Variants in ARHGEF12 observed in about 807,000 individuals in gnomAD.
ARHGEF12 encodes Rho guanine nucleotide exchange factor 12.
ARHGEF12 carries 66 observed loss-of-function variants against 211.2 expected under a neutral mutation model. That is an observed-to-expected ratio of 0.31 (90% CI 0.26 to 0.38). ARHGEF12 has a LOEUF of 0.38. Among genes scored for constraint, ARHGEF12 ranks in the 10% least tolerant of loss-of-function variants. The pLI is 1.00. For missense variants in ARHGEF12, 1,429 were observed against 1,869.5 expected (o/e 0.76, Z 4.34); for synonymous variants, 592 against 638.4 (o/e 0.93, Z 1.09).
rs562823865 is a variant in ARHGEF12, at chr11:120,381,381, C to T, written c.33-24737C>T. 5.3e-5 allele frequency among the ~76,000 whole-genome samples: 8 copies of T among 152,288 alleles called. No homozygotes were observed. In the South Asian group the frequency reaches 1.5e-3, roughly 28 times the overall value. On this transcript the variant is annotated intron_variant, in intron 1 of 40. Coordinates refer to ENST00000397843, the MANE Select transcript of ARHGEF12 (RefSeq NM_015313.3). ...AACCTGGCTCCAGCCACCCCATTAT[C>T]CATCCACTTATTTTTTCAACCTATG...
At chr11:120,371,771 G>C (rs1943595689) in intron 1 of ARHGEF12, among the ~76,000 whole-genome samples, 1 of 152,066 alleles carries the variant, frequency 6.6e-6, no homozygotes. Flanking sequence ...AATATGATTT[G>C]GTTCTATTGT....
At chr11:120,422,057 T>C (rs1418660276) in intron 6 of ARHGEF12, among the ~76,000 whole-genome samples, 1 of 152,156 alleles carries the variant, frequency 6.6e-6, no homozygotes, top group Non-Finnish European at 1.5e-5. Context: ...TTGAAAATAA[T>C]GGAGGAATAT....
At chr11:120,426,976 A>G (rs1046340818) in intron 7 of ARHGEF12, among the ~76,000 whole-genome samples, 1 of 152,074 alleles carries the variant, frequency 6.6e-6, no homozygotes, top group African/African-American at 2.4e-5. Context: ...TCCCAGGTTC[A>G]AGTGATTCTC....
intron 18 of ARHGEF12, 128 bp from the exon 19 acceptor site, chr11:120,447,746 G>A (rs778191923): frequency 1.7e-6 from 1 of 595,410 alleles, no homozygotes; most frequent in Non-Finnish European, 2.9e-6. Context: ...CGCCCAGGAG[G>A]CGGAGGTTGC....
At chr11:120,420,638 T>C in intron 4 of ARHGEF12, 115 bp from the exon 5 acceptor site, 1 of 772,624 alleles carries the variant, frequency 1.3e-6, no homozygotes. Flanking sequence ...TGGATTTACA[T>C]GTGCTACTTT....
intron 7 of ARHGEF12, among the ~76,000 whole-genome samples, chr11:120,427,207 C>A (rs900933307): frequency 6.6e-6 from 1 of 151,932 alleles, no homozygotes; most frequent in Non-Finnish European, 1.5e-5. Flanking sequence ...TCTAGATTCC[C>A]GCCCCCCGCA....
rs531854184 is a variant in ARHGEF12, at chr11:120,471,284, G to A, written c.2956-1766G>A. The stretch of plus-strand genomic sequence containing the variant: ...ATAGAATGCCCTGAGTGATAGGAAA[G>A]GAATGTACCACTAAGGCACACAACA... On this transcript the variant is annotated intron_variant, in intron 30 of 40. Coordinates refer to ENST00000397843, the MANE Select transcript of ARHGEF12 (RefSeq NM_015313.3). Among the ~76,000 whole-genome samples, 6 of 152,224 alleles carry A rather than the reference G, an allele frequency of 3.9e-5. No homozygotes were observed. The East Asian group carries it at 7.7e-4, about 20-fold the overall frequency.
At chr11:120,339,758 A>G (rs1215237666) in intron 1 of ARHGEF12, among the ~76,000 whole-genome samples, 1 of 152,110 alleles carries the variant, frequency 6.6e-6, no homozygotes, top group Non-Finnish European at 1.5e-5. Flanking sequence ...TAAGGGTTTT[A>G]TTCTTGTGTT....
rs769440299 is a variant in ARHGEF12 at position 120,424,334 on chromosome 11, TACACTACTTTC to T, written c.349-23_349-13del. Reference sequence around the variant, plus strand: ...TTGTCTCAATAGAATGTATCTGACATACACTACTTTCGTTTTCTTACAGGTGAATGGAACTC... The same window carrying T: ...TTGTCTCAATAGAATGTATCTGACATGTTTTCTTACAGGTGAATGGAACTC... On this transcript the variant is annotated splice_polypyrimidine_tract_variant and intron_variant, in intron 6 of 40. Coordinates refer to ENST00000397843, the MANE Select transcript of ARHGEF12 (RefSeq NM_015313.3). 1.3e-6 allele frequency: 2 copies of T among 1,593,562 alleles called. No individual in the cohort carries two copies. The highest frequency in any genetic ancestry group is 1.7e-6 in the Non-Finnish European group (2 of 1,162,268).
At chr11:120,476,498 T>C (rs1247265123) in intron 33 of ARHGEF12, 163 bp from the exon 34 acceptor site, 2 of 452,432 alleles carry the variant, frequency 4.4e-6, no homozygotes, top group African/African-American at 3.9e-5. Context: ...TACGTTAATA[T>C]GGTAAGTTGC....
At chr11:120,456,036 A>G (rs986678724) in intron 22 of ARHGEF12, among the ~76,000 whole-genome samples, 3 of 152,166 alleles carry the variant, frequency 2.0e-5, no homozygotes, top group African/African-American at 7.2e-5. Flanking sequence ...ATATAATCCT[A>G]ACTAGTATAT....
In ARHGEF12 at chr11:120,485,564, A is replaced by T. The variant is rs1399664211; in HGVS notation, c.*487A>T. 4.2e-6 allele frequency: 1 copy of T among 237,124 alleles called. No individual in the cohort carries two copies. The highest frequency in any genetic ancestry group is 5.5e-5 in the Admixed American group (1 of 18,074). 14.7% of individuals were successfully genotyped at this position (237,124 alleles called of 1,614,324 possible). ...TGAAGCAAAGAGGTCAGGATGGAGT[A>T]TGCAGAAGTTGGGTAGAGAGGTTAA... On this transcript the variant is annotated 3_prime_UTR_variant, in exon 41 of 41. Transcript: ENST00000397843.
intron 1 of ARHGEF12, among the ~76,000 whole-genome samples, chr11:120,396,993 A>G (rs1236087072): frequency 1.3e-5 from 2 of 152,222 alleles, no homozygotes; most frequent in Non-Finnish European, 2.9e-5. Context: ...CATCTTCCAC[A>G]TTTACATTTA....
chr11:120,388,865 A>T (rs888009533), intron 1 of ARHGEF12, among the ~76,000 whole-genome samples: 25 of 149,018 alleles, frequency 1.7e-4, no homozygotes, highest in African/African-American at 3.5e-4. Flanking sequence ...TTTTTTTTTT[A>T]TTTTATTTTA....
At chr11:120,449,984 T>G (rs866486933) in intron 21 of ARHGEF12, 6 of 152,308 alleles carry the variant, frequency 3.9e-5, no homozygotes, top group Non-Finnish European at 7.3e-5. Context: ...TAAAGAGAGA[T>G]AAGCTCACTT....
intron 1 of ARHGEF12, among the ~76,000 whole-genome samples, chr11:120,361,760 A>G (rs1041378129): frequency 6.6e-6 from 1 of 152,188 alleles, no homozygotes; most frequent in Non-Finnish European, 1.5e-5. Context: ...TTTGTTTTGT[A>G]CGTGGAATAC....
intron 1 of ARHGEF12, among the ~76,000 whole-genome samples, chr11:120,346,400 C>G (rs1015753562): frequency 6.6e-6 from 1 of 152,208 alleles, no homozygotes; most frequent in Non-Finnish European, 1.5e-5. Flanking sequence ...AGGGAGAGAG[C>G]AAGAAAACAG....
At chr11:120,338,411 C>G (rs1025096975) in intron 1 of ARHGEF12, among the ~76,000 whole-genome samples, 1 of 152,190 alleles carries the variant, frequency 6.6e-6, no homozygotes, top group Non-Finnish European at 1.5e-5. Context: ...ACAGCTACTC[C>G]AGAAACAGAA....
At chr11:120,484,178 T>C (rs1393458808) in intron 39 of ARHGEF12, among the ~76,000 whole-genome samples, 1 of 152,160 alleles carries the variant, frequency 6.6e-6, no homozygotes, top group East Asian at 1.9e-4. Context: ...GGTGGGAGAA[T>C]TGCATCTATG....
Sources: gnomAD v4.1 joint callset for allele counts (sites outside exome capture counted in the v4.1 genomes callset) on GRCh38, gnomAD v4.1.1 for gene constraint, MANE v1.5 for transcripts, NCBI Gene and HGNC (gene_info 2026-07-23, HGNC 2026-07-21) for gene names.